UGT2A3: variants seen among roughly 807,000 people sequenced by gnomAD.
The protein encoded by UGT2A3 is UDP glucuronosyltransferase family 2 member A3.
In UGT2A3, 55 loss-of-function variants were observed where a neutral mutation model predicts 44.1. That is an observed-to-expected ratio of 1.25 (90% CI 1.00 to 1.56). UGT2A3 has a LOEUF of 1.56. Ranked by LOEUF, UGT2A3 falls within the 40% of genes most tolerant of loss-of-function variation. The pLI is 0.00. For synonymous variants in UGT2A3, 243 were observed against 215.1 expected, an observed-to-expected ratio of 1.13 and a Z score of -1.13; for missense variants, 733 against 621.6, an observed-to-expected ratio of 1.18 and a Z score of -1.91.
At chr4:68,937,631 C>G (rs1391414846) in intron 2 of UGT2A3, among the ~76,000 whole-genome samples, 1 of 152,034 alleles carries the variant, frequency 6.6e-6, no homozygotes, top group East Asian at 1.9e-4. Flanking sequence ...AATCGACACC[C>G]TAACATCACA....
intron 1 of UGT2A3, 106 bp from the exon 2 acceptor site, chr4:68,945,560 A>G: frequency 1.2e-6 from 1 of 803,644 alleles, no homozygotes; most frequent in Non-Finnish European, 1.8e-6. Context: ...TAAGTCCTCT[A>G]GAACAACATG....
intron 2 of UGT2A3, chr4:68,943,335 A>T: frequency 7.9e-7 from 1 of 1,272,848 alleles, no homozygotes; most frequent in South Asian, 1.3e-5. Flanking sequence ...TTTTAGATAC[A>T]GATGCCATGG....
At chr4:68,945,219 A>T (rs1224651222) in intron 2 of UGT2A3, 87 bp downstream of exon 2, 9 of 1,495,904 alleles carry the variant, frequency 6.0e-6, no homozygotes, top group Non-Finnish European at 8.3e-6. Flanking sequence ...ATTCAACATC[A>T]TCCTTCTATA....
chr4:68,935,933 C>T (rs555318609), intron 2 of UGT2A3, among the ~76,000 whole-genome samples: 7 of 151,868 alleles, frequency 4.6e-5, no homozygotes, highest in African/African-American at 1.4e-4. Context: ...CTTCAATAGC[C>T]GATTTGATCA....
intron 2 of UGT2A3, 129 bp from the exon 3 acceptor site, chr4:68,932,888 T>C (rs189239570): frequency 1.1e-6 from 1 of 907,078 alleles, no homozygotes; most frequent in Admixed American, 2.7e-5. Context: ...CCCTATATGC[T>C]GACACACAGA....
chr4:68,933,474 A>T (rs1717816865), intron 2 of UGT2A3, among the ~76,000 whole-genome samples: 1 of 152,036 alleles, frequency 6.6e-6, no homozygotes, highest in Non-Finnish European at 1.5e-5. Context: ...GAAGGGCTGA[A>T]CCACCTGAGT....
At chr4:68,937,119 G>C (rs540649933) in intron 2 of UGT2A3, among the ~76,000 whole-genome samples, 1 of 152,050 alleles carries the variant, frequency 6.6e-6, no homozygotes, top group African/African-American at 2.4e-5. Context: ...AATAATGGGA[G>C]ACTTTAACAC....
chr4:68,936,255 T>C (rs1430116860), intron 2 of UGT2A3, among the ~76,000 whole-genome samples: 1 of 151,928 alleles, frequency 6.6e-6, no homozygotes, highest in African/African-American at 2.4e-5. Context: ...CCAAGACACA[T>C]AATTGTCAGA....
intron 2 of UGT2A3, among the ~76,000 whole-genome samples, chr4:68,941,434 C>T (rs1291739514): frequency 2.0e-5 from 3 of 151,818 alleles, no homozygotes; most frequent in African/African-American, 7.3e-5. Flanking sequence ...ACTGCATATC[C>T]ACATGCAGAA....
intron 1 of UGT2A3, among the ~76,000 whole-genome samples, chr4:68,946,570 A>T (rs1718390676): frequency 6.6e-6 from 1 of 151,672 alleles, no homozygotes; most frequent in African/African-American, 2.4e-5. Context: ...AGGTGATTTT[A>T]ATTACTATGA....
chr4:68,934,132 A>G (rs1008663472), intron 2 of UGT2A3, among the ~76,000 whole-genome samples: 3 of 152,030 alleles, frequency 2.0e-5, no homozygotes, highest in African/African-American at 7.2e-5. Flanking sequence ...AAATGCTTAA[A>G]TATCCGACAT....
At position 68,951,304 on chromosome 4, in the gene UGT2A3, G is replaced by C; in HGVS notation, c.457C>G (p.Pro153Ala). ...YDVMLIDPVI[P>A]CGDLMAELLA... is the part of the protein sequence containing the mutation. ...AACTCAGCCATCAGGTCTCCACAGGGAATCACAGGGTCTATAAGCATTACA... is the reference window on the plus strand; with the variant it reads ...AACTCAGCCATCAGGTCTCCACAGGCAATCACAGGGTCTATAAGCATTACA... Residue 153 changes from proline (P) to alanine (A), a missense_variant, in exon 1 of 6, where the codon CCC becomes GCC. Coordinates refer to ENST00000251566, the MANE Select transcript of UGT2A3 (RefSeq NM_024743.4). 6.2e-7 allele frequency: 1 copy of C among 1,612,368 alleles called. No homozygotes were observed. The highest frequency in any genetic ancestry group is 1.1e-5 in the South Asian group (1 of 90,954).
At chr4:68,936,888 CAAA>C (rs56737078) in intron 2 of UGT2A3, among the ~76,000 whole-genome samples, 3 of 46,340 alleles carry the variant, frequency 6.5e-5, no homozygotes, top group Non-Finnish European at 7.4e-5. Flanking sequence ...AAATGGAAAG[CAAA>C]AAAAAAAAAA....
At chr4:68,937,967 G>T (rs941024349) in intron 2 of UGT2A3, among the ~76,000 whole-genome samples, 1 of 152,020 alleles carries the variant, frequency 6.6e-6, no homozygotes, top group South Asian at 2.1e-4. Context: ...CTAAAGAAAC[G>T]GATGAATTCC....
rs184901817 is a variant in UGT2A3, at chr4:68,932,576, T to C, written c.996+52A>G. The C allele has an allele frequency of 7.1e-6, 11 of 1,559,310 alleles. 1 individual carries two copies. In the African/African-American group the frequency reaches 9.7e-5, roughly 14 times the overall value. On this transcript the variant is annotated intron_variant, in intron 3 of 5. Transcript: ENST00000251566. ...GAGATTCAAGACCCAAATAAAACCA[T>C]ACTGTTTCATTATGTGAATAGCTGC...
Position 68,932,621 on chromosome 4 carries a change from T to C in UGT2A3, c.996+7A>G. ...AGCTGCTTATCAGGATTGGAGGTTT[T>C]ACTGACCTTCTGTGGGATCTGGGCA... On this transcript the variant is annotated splice_region_variant and intron_variant, in intron 3 of 5. Transcript: ENST00000251566. 1 of 1,601,864 alleles carries C rather than the reference T, an allele frequency of 6.2e-7. No individual in the cohort carries two copies. The highest frequency in any genetic ancestry group is 8.5e-7 in the Non-Finnish European group (1 of 1,175,662).
intron 2 of UGT2A3, among the ~76,000 whole-genome samples, chr4:68,942,936 T>C (rs532088514): frequency 6.1e-4 from 92 of 151,866 alleles, no homozygotes; most frequent in African/African-American, 2.0e-3. Context: ...AAATGATAAA[T>C]ATTTAGATGA....
rs561747321 is a variant in UGT2A3 at position 68,928,999 on chromosome 4, T to C, written c.*814A>G. The C allele has an allele frequency of 6.6e-6, 1 of 152,236 alleles. No individual in the cohort carries two copies. Among genetic ancestry groups the C allele is most frequent in the South Asian group, 2.1e-4 (1 of 4,828 alleles). The allele number at this position is 152,236 out of a possible 1,614,324, so 9.4% of individuals were successfully genotyped here. A position where few individuals can be genotyped will look rare whatever the true frequency, so the allele number is the denominator to read the frequency against. On this transcript the variant is annotated 3_prime_UTR_variant, in exon 6 of 6. Coordinates refer to ENST00000251566, the MANE Select transcript of UGT2A3 (RefSeq NM_024743.4). ...TTTTAAAGAATAAACATATAAATCT[T>C]CTTTAAGTGTACTATCAAATAAATT...
rs1404642514 is a variant in UGT2A3 at position 68,928,976 on chromosome 4, T to C, written c.*837A>G. The C allele has an allele frequency of 6.6e-6, 1 of 152,100 alleles. No homozygotes were observed. Among genetic ancestry groups the C allele is most frequent in the African/African-American group, 2.4e-5 (1 of 41,440 alleles). 9.4% of individuals were successfully genotyped at this position (152,100 alleles called of 1,614,324 possible). A position where few individuals can be genotyped will look rare whatever the true frequency, so the allele number is the denominator to read the frequency against. ...TAAGAATTATGAGTATTCATCATTT[T>C]TAAAGAATAAACATATAAATCTTCT... On this transcript the variant is annotated 3_prime_UTR_variant, in exon 6 of 6. Transcript: ENST00000251566.
Sources: allele counts gnomAD v4.1 joint callset (sites outside exome capture counted in the v4.1 genomes callset), GRCh38; gene constraint gnomAD v4.1.1; transcripts MANE v1.5; gene names NCBI Gene and HGNC (gene_info 2026-07-23, HGNC 2026-07-21).